RETREG1: variants seen among roughly 807,000 people sequenced by gnomAD.
RETREG1 encodes family with sequence similarity 134 member B.
A neutral mutation model predicts 54.8 loss-of-function variants in RETREG1; 44 were observed. That is an observed-to-expected ratio of 0.80 (90% CI 0.63 to 1.03). RETREG1 has a LOEUF of 1.03. RETREG1 is among the 50% of genes least tolerant of loss of function. RETREG1 has a pLI of 0.00. For missense variants in RETREG1, 554 were observed against 605.1 expected, an observed-to-expected ratio of 0.92 and a Z score of 0.89; for synonymous variants, 217 against 238.5, an observed-to-expected ratio of 0.91 and a Z score of 0.83.
At position 16,550,097 on chromosome 5, in the gene RETREG1, C is replaced by G. The variant is rs1324751502; in HGVS notation, c.458+15666G>C. Among the ~76,000 whole-genome samples the G allele has an allele frequency of 2.6e-5, 4 of 152,216 alleles. No homozygotes were observed. The East Asian group carries it at 5.8e-4, about 22-fold the overall frequency. On this transcript the variant is annotated intron_variant, in intron 3 of 8. Coordinates refer to ENST00000306320, the MANE Select transcript of RETREG1 (RefSeq NM_001034850.3). ...AAAAACAGGCACAAGTAAGAATAAC[C>G]TTCAACAGAACTAATAAACAGCACG...
chr5:16,577,473 G>T (rs570849815), intron 1 of RETREG1, among the ~76,000 whole-genome samples: 1 of 152,072 alleles, frequency 6.6e-6, no homozygotes, highest in African/African-American at 2.4e-5. Context: ...CTCCTGCTTC[G>T]AGTAATAGCT....
At chr5:16,511,195 A>C (rs1035520015) in intron 3 of RETREG1, among the ~76,000 whole-genome samples, 47 of 152,232 alleles carry the variant, frequency 3.1e-4, no homozygotes, top group Non-Finnish European at 6.5e-4. Flanking sequence ...AAAACTGTGC[A>C]TCAAATTTTA....
chr5:16,541,555 C>T (rs1741244138), intron 3 of RETREG1, among the ~76,000 whole-genome samples: 1 of 152,036 alleles, frequency 6.6e-6, no homozygotes, highest in Non-Finnish European at 1.5e-5. Flanking sequence ...GGCATGGTGG[C>T]AGGCACCTGT....
At chr5:16,578,457 G>A (rs536883589) in intron 1 of RETREG1, among the ~76,000 whole-genome samples, 2 of 152,194 alleles carry the variant, frequency 1.3e-5, no homozygotes, top group Admixed American at 1.3e-4. Context: ...GTTTCTAACC[G>A]ATCTTTACAT....
chr5:16,564,880 C>T (rs908680093), intron 3 of RETREG1, among the ~76,000 whole-genome samples: 3 of 152,152 alleles, frequency 2.0e-5, no homozygotes, highest in Non-Finnish European at 4.4e-5. Flanking sequence ...TCCAAAGGTG[C>T]GTTACATAAA....
At chr5:16,483,943 A>G (rs909685253) in intron 3 of RETREG1, among the ~76,000 whole-genome samples, 2 of 152,130 alleles carry the variant, frequency 1.3e-5, no homozygotes, top group Admixed American at 6.6e-5. Context: ...GTCATGGAAG[A>G]CTTGTTAGAA....
intron 3 of RETREG1, among the ~76,000 whole-genome samples, chr5:16,514,635 G>T (rs747468043): frequency 6.6e-6 from 1 of 151,902 alleles, no homozygotes; most frequent in Non-Finnish European, 1.5e-5. Context: ...CCCATCACCT[G>T]AGCAGTTTAT....
chr5:16,528,785 A>T (rs1740817203), intron 3 of RETREG1, among the ~76,000 whole-genome samples: 1 of 152,196 alleles, frequency 6.6e-6, no homozygotes, highest in South Asian at 2.1e-4. Context: ...GTTTCTATAA[A>T]GGGCTAGACA....
At chr5:16,591,083 T>C (rs77780945) in intron 1 of RETREG1, among the ~76,000 whole-genome samples, 7,640 of 152,138 alleles carry the variant, frequency 0.05, 196 homozygotes, top group Non-Finnish European at 0.053. Flanking sequence ...AACTAAGGAA[T>C]TGGGGCAAAG....
At chr5:16,487,296 A>AG (rs772699971) in intron 3 of RETREG1, among the ~76,000 whole-genome samples, 12 of 152,210 alleles carry the variant, frequency 7.9e-5, no homozygotes, top group Non-Finnish European at 1.2e-4. Flanking sequence ...CAAGTTCAAA[A>AG]GGAAATAGGT....
chr5:16,495,625 C>A (rs1739421773), intron 3 of RETREG1, among the ~76,000 whole-genome samples: 1 of 152,084 alleles, frequency 6.6e-6, no homozygotes, highest in African/African-American at 2.4e-5. Flanking sequence ...GTGGTGTTAA[C>A]CCCACCCCTA....
At chr5:16,559,832 A>G (rs1217661120) in intron 3 of RETREG1, among the ~76,000 whole-genome samples, 1 of 152,254 alleles carries the variant, frequency 6.6e-6, no homozygotes, top group African/African-American at 2.4e-5. Flanking sequence ...CTACAGTTTC[A>G]TGCAGAAAGG....
At position 16,561,214 on chromosome 5, in the gene RETREG1, C is replaced by G. The variant is rs1741845016; in HGVS notation, c.458+4549G>C. Among the ~76,000 whole-genome samples, 1 of 151,790 alleles carries G rather than the reference C, an allele frequency of 6.6e-6. No homozygotes were observed. Among genetic ancestry groups the G allele is most frequent in the Non-Finnish European group, 1.5e-5 (1 of 67,928 alleles). ...AAGACCCTTCCTATAAACGGTACTT[C>G]CCGCCGGGCGCAGTGGCTCACACCT... On this transcript the variant is annotated intron_variant, in intron 3 of 8. Coordinates refer to ENST00000306320, the MANE Select transcript of RETREG1 (RefSeq NM_001034850.3). The surrounding 1 kb of genome is among the most constrained non-coding windows in gnomAD (Gnocchi z 4.2).
At chr5:16,614,347 G>C (rs974154911) in intron 1 of RETREG1, among the ~76,000 whole-genome samples, 25 of 152,152 alleles carry the variant, frequency 1.6e-4, no homozygotes, top group Middle Eastern at 3.2e-3. Context: ...TGGCCTACTT[G>C]AAAAAATAGA....
In RETREG1 at chr5:16,608,348, C is replaced by A. The variant is rs184122761; in HGVS notation, c.320+8304G>T. ...CCCAAAACAGACCCTCAGTGTGAGT[C>A]AGGAGAGTCTCTCCATCCTGACAAC... On this transcript the variant is annotated intron_variant, in intron 1 of 8. Coordinates refer to ENST00000306320, the MANE Select transcript of RETREG1 (RefSeq NM_001034850.3). Among the ~76,000 whole-genome samples, 647 of 152,304 alleles carry A rather than the reference C, an allele frequency of 4.2e-3. 3 individuals carry two copies. Among genetic ancestry groups the A allele is most frequent in the African/African-American group, 0.015 (628 of 41,556 alleles).
intron 1 of RETREG1, among the ~76,000 whole-genome samples, chr5:16,591,239 G>A (rs1742765094): frequency 1.3e-5 from 2 of 152,158 alleles, no homozygotes; most frequent in African/African-American, 4.8e-5. Context: ...TTCATCATTA[G>A]TGAAACCCTT....
intron 3 of RETREG1, among the ~76,000 whole-genome samples, chr5:16,485,746 G>C (rs908807896): frequency 3.3e-5 from 5 of 152,156 alleles, no homozygotes; most frequent in African/African-American, 1.2e-4. Flanking sequence ...AGCATTTAAG[G>C]AAGGGTCTTA....
chr5:16,579,237 TC>T (rs1742419606), intron 1 of RETREG1, among the ~76,000 whole-genome samples: 1 of 152,170 alleles, frequency 6.6e-6, no homozygotes, highest in Non-Finnish European at 1.5e-5. Flanking sequence ...GAATCCTGTA[TC>T]CCTTCAGGAA....
At chr5:16,523,347 A>G (rs948452319) in intron 3 of RETREG1, among the ~76,000 whole-genome samples, 9 of 152,116 alleles carry the variant, frequency 5.9e-5, no homozygotes, top group African/African-American at 2.2e-4. Context: ...CTTGTGGTCT[A>G]TGAGAATGGC....
Sources: gnomAD v4.1 joint callset for allele counts (sites outside exome capture counted in the v4.1 genomes callset) on GRCh38, gnomAD v4.1.1 for gene constraint, Gnocchi (gnomAD v3.1) non-coding constraint, MANE v1.5 for transcripts, NCBI Gene and HGNC (gene_info 2026-07-23, HGNC 2026-07-21) for gene names.